The following METTL25 variants were observed in gnomAD, a reference collection of about 807,000 sequenced individuals.
METTL25 encodes methyltransferase like 25, also known as probable methyltransferase-like protein 25.
In METTL25, 64 loss-of-function variants were observed where a neutral mutation model predicts 71.6. The ratio of observed to expected loss-of-function variants is 0.89; its 90% CI spans 0.73 to 1.10. The LOEUF is 1.10. Among genes scored for constraint, METTL25 ranks in the 50% least tolerant of loss-of-function variants. The pLI is 0.00. For synonymous variants in METTL25, 287 were observed against 250.3 expected (o/e 1.15, Z -1.38); for missense variants, 807 against 707.0 (o/e 1.14, Z -1.60).
chr12:82,365,287 C>G (rs1882434506), intron 1 of METTL25, among the ~76,000 whole-genome samples: 1 of 152,152 alleles, frequency 6.6e-6, no homozygotes, highest in Non-Finnish European at 1.5e-5. Context: ...AAATCAATAA[C>G]TGTTCTTTCC....
intron 9 of METTL25, among the ~76,000 whole-genome samples, chr12:82,460,575 C>G (rs1389167775): frequency 6.6e-6 from 1 of 152,182 alleles, no homozygotes; most frequent in Non-Finnish European, 1.5e-5. Context: ...TTTCAAAAGC[C>G]TATCCCCACT....
intron 8 of METTL25, among the ~76,000 whole-genome samples, chr12:82,450,857 G>A (rs778761673): frequency 2.2e-4 from 33 of 152,062 alleles, no homozygotes; most frequent in Non-Finnish European, 3.1e-4. Flanking sequence ...CTTTCTTCAG[G>A]TCTTTTATTC....
Position 82,479,102 on chromosome 12 carries a change from C to A in METTL25, c.*78C>A. 1 of 1,139,194 alleles carries A rather than the reference C, an allele frequency of 8.8e-7. No homozygotes were observed. The highest frequency in any genetic ancestry group is 1.3e-6 in the Non-Finnish European group (1 of 776,982). 70.6% of individuals were successfully genotyped at this position (1,139,194 alleles called of 1,614,324 possible). On this transcript the variant is annotated 3_prime_UTR_variant, in exon 12 of 12. Transcript: ENST00000248306. ...GATTGCTTTTCTAAACATATATGTC[C>A]TGTTATACAAAAATTTTTAAATGAC...
At chr12:82,430,253 C>T (rs1342137406) in intron 5 of METTL25, among the ~76,000 whole-genome samples, 1 of 151,040 alleles carries the variant, frequency 6.6e-6, no homozygotes, top group Admixed American at 6.6e-5. Context: ...CACCAAGTTG[C>T]ATGTGTAACT....
At chr12:82,399,660 T>C (rs1886409444) in intron 4 of METTL25, among the ~76,000 whole-genome samples, 1 of 152,170 alleles carries the variant, frequency 6.6e-6, no homozygotes, top group South Asian at 2.1e-4. Flanking sequence ...TAAGTTCTCA[T>C]TCTGCAGTTT....
chr12:82,402,338 A>T (rs1003670391), intron 4 of METTL25, among the ~76,000 whole-genome samples: 1 of 152,118 alleles, frequency 6.6e-6, no homozygotes, highest in African/African-American at 2.4e-5. Context: ...TGAGACGTGA[A>T]ATTAATTTCA....
chr12:82,377,554 A>G (rs1392946762), intron 1 of METTL25, among the ~76,000 whole-genome samples: 1 of 152,234 alleles, frequency 6.6e-6, no homozygotes, highest in Non-Finnish European at 1.5e-5. Flanking sequence ...TTAGTTTTTT[A>G]AAGTTAGACT....
At chr12:82,466,030 T>C (rs1361840601) in intron 9 of METTL25, among the ~76,000 whole-genome samples, 3 of 151,390 alleles carry the variant, frequency 2.0e-5, no homozygotes, top group East Asian at 1.9e-4. Context: ...TTGTAGATTT[T>C]GTTTATCTTT....
chr12:82,453,967 A>G (rs370186546), intron 8 of METTL25, among the ~76,000 whole-genome samples: 12 of 152,138 alleles, frequency 7.9e-5, no homozygotes, highest in African/African-American at 2.7e-4. Flanking sequence ...CTGTCAAGAA[A>G]CATTTCTGAG....
At chr12:82,444,034 A>G (rs1890558138) in intron 8 of METTL25, among the ~76,000 whole-genome samples, 1 of 152,206 alleles carries the variant, frequency 6.6e-6, no homozygotes, top group Non-Finnish European at 1.5e-5. Context: ...GAAATAATAC[A>G]GAAAACTTTT....
At chr12:82,413,041 C>T (rs976921628) in intron 5 of METTL25, among the ~76,000 whole-genome samples, 2 of 151,842 alleles carry the variant, frequency 1.3e-5, no homozygotes, top group Non-Finnish European at 2.9e-5. Context: ...ATTTAAAAAA[C>T]AGTTGTATGT....
intron 8 of METTL25, among the ~76,000 whole-genome samples, chr12:82,453,914 G>A (rs2137245277): frequency 6.6e-6 from 1 of 152,148 alleles, no homozygotes; most frequent in Admixed American, 6.6e-5. Flanking sequence ...TGTTCCAGCT[G>A]ATTAAAGTAG....
chr12:82,410,323 A>G (rs10746247), intron 5 of METTL25, among the ~76,000 whole-genome samples: 140,043 of 152,152 alleles, frequency 0.92, 64,813 homozygotes, highest in East Asian at 1. Flanking sequence ...AATTAATCCT[A>G]TCATTGAAAC....
chr12:82,461,086 T>C (rs1412750565), intron 9 of METTL25, among the ~76,000 whole-genome samples: 1 of 152,144 alleles, frequency 6.6e-6, no homozygotes, highest in East Asian at 1.9e-4. Flanking sequence ...GAGTTTGCAG[T>C]GAGCCAAGAT....
chr12:82,472,578 A>C (rs572194166), intron 9 of METTL25, among the ~76,000 whole-genome samples: 1 of 152,230 alleles, frequency 6.6e-6, no homozygotes, highest in East Asian at 1.9e-4. Context: ...AGCCTGGGCA[A>C]TAGAGTGAGA....
At chr12:82,361,357 G>C (rs141434798) in intron 1 of METTL25, among the ~76,000 whole-genome samples, 1,543 of 152,340 alleles carry the variant, frequency 0.01, 16 homozygotes, top group African/African-American at 0.036. Context: ...GCTTCACCTA[G>C]TGGATCCCAC....
At chr12:82,413,128 G>T (rs1157785344) in intron 5 of METTL25, among the ~76,000 whole-genome samples, 1 of 151,836 alleles carries the variant, frequency 6.6e-6, no homozygotes, top group Non-Finnish European at 1.5e-5. Flanking sequence ...ATTTTGTCAA[G>T]AATCTGGAGA....
chr12:82,411,796 C>CT (rs1272474687), intron 5 of METTL25, among the ~76,000 whole-genome samples: 1 of 152,038 alleles, frequency 6.6e-6, no homozygotes, highest in Non-Finnish European at 1.5e-5. Context: ...AAAGGTCTTA[C>CT]TTAACTTTAA....
At chr12:82,446,021 GT>G (rs1421986783) in intron 8 of METTL25, among the ~76,000 whole-genome samples, 1 of 152,056 alleles carries the variant, frequency 6.6e-6, no homozygotes, top group Non-Finnish European at 1.5e-5. Flanking sequence ...TCCCCATGTT[GT>G]TTAAGGGTCA....
Sources: gnomAD v4.1 joint callset for allele counts (sites outside exome capture counted in the v4.1 genomes callset) on GRCh38, gnomAD v4.1.1 for gene constraint, MANE v1.5 for transcripts, NCBI Gene and HGNC (gene_info 2026-07-23, HGNC 2026-07-21) for gene names.